Variants in PLA2R1 observed in about 807,000 individuals in gnomAD.
The protein encoded by PLA2R1 is phospholipase A2 receptor 1.
Under a neutral mutation model 195.9 loss-of-function variants are expected in PLA2R1, and 158 were observed. The observed-to-expected ratio is 0.81, with a 90% confidence interval of 0.71 to 0.92. The LOEUF (loss-of-function observed/expected upper bound fraction) is 0.92, where lower values mean the gene tolerates loss of function less well. PLA2R1 is among the 40% of genes least tolerant of loss of function. The pLI, the probability that PLA2R1 is intolerant of heterozygous loss-of-function variation, is 0.00. For missense variants in PLA2R1, 1,626 were observed against 1,764.6 expected (o/e 0.92, Z 1.41); for synonymous variants, 586 against 598.2 (o/e 0.98, Z 0.30).
At chr2:160,016,471 A>G (rs1384732774) in intron 9 of PLA2R1, 143 bp downstream of exon 9, 39 of 559,610 alleles carry the variant, frequency 7.0e-5, no homozygotes, top group East Asian at 2.9e-4. Context: ...AAAGGAAAGA[A>G]GGGGGGGGTG....
At chr2:159,960,406 T>G (rs554410326) in intron 20 of PLA2R1, among the ~76,000 whole-genome samples, 1 of 152,332 alleles carries the variant, frequency 6.6e-6, no homozygotes, top group African/African-American at 2.4e-5. Context: ...CTGTTTTTCC[T>G]CACCACTGAA....
chr2:160,057,932 T>C (rs1243386665), intron 1 of PLA2R1, among the ~76,000 whole-genome samples: 1 of 152,138 alleles, frequency 6.6e-6, no homozygotes, highest in Non-Finnish European at 1.5e-5. Flanking sequence ...CCTTAGTCAA[T>C]AAGAGGCGGG....
In PLA2R1 at chr2:160,005,644, C is replaced by T; in HGVS notation, c.1834+8G>A. ...GGGAGGGTTGGTGATGCAGCACACT[C>T]TACTCACGCGGCTGGTGTGTGTTCC... On this transcript the variant is annotated splice_region_variant and intron_variant, in intron 11 of 29. Transcript: ENST00000283243. 6.2e-7 allele frequency: 1 copy of T among 1,611,326 alleles called. No homozygotes were observed. The highest frequency in any genetic ancestry group is 2.2e-5 in the East Asian group (1 of 44,826).
Position 160,024,005 on chromosome 2 carries a change from C to T in PLA2R1, c.1100-1146G>A, listed in dbSNP as rs776222792. On this transcript the variant is annotated intron_variant, in intron 6 of 29. Transcript: ENST00000283243. ...GCAGCCTCCAACACCACCAGGGTCA[C>T]CTACAGTTCTTGCCACTGAGGACCC... Among the ~76,000 whole-genome samples the T allele has an allele frequency of 5.1e-4, 77 of 151,026 alleles. 1 individual carries two copies. Among genetic ancestry groups the T allele is most frequent in the Non-Finnish European group, 9.6e-4 (65 of 67,962 alleles).
chr2:160,052,846 T>C (rs1234117736), intron 1 of PLA2R1, among the ~76,000 whole-genome samples: 1 of 152,200 alleles, frequency 6.6e-6, no homozygotes, highest in East Asian at 1.9e-4. Context: ...CAATGAGCTA[T>C]CCATCTTAGC....
At chr2:160,001,111 C>G (rs545199225) in intron 11 of PLA2R1, among the ~76,000 whole-genome samples, 6 of 152,166 alleles carry the variant, frequency 3.9e-5, no homozygotes, top group African/African-American at 1.4e-4. Flanking sequence ...TATATGAATA[C>G]ATCTAAACAA....
At chr2:159,951,718 A>T in intron 23 of PLA2R1, 140 bp from the exon 24 acceptor site, 1 of 627,428 alleles carries the variant, frequency 1.6e-6, no homozygotes. Context: ...CAAAACAAGA[A>T]CACTATCTGA....
intron 1 of PLA2R1, among the ~76,000 whole-genome samples, chr2:160,056,470 G>C (rs1203873875): frequency 6.6e-6 from 1 of 152,116 alleles, no homozygotes; most frequent in Non-Finnish European, 1.5e-5. Context: ...CTTGGATCTG[G>C]TCACTACCAA....
chr2:160,042,821 GTGTGTGTGTGTGTGTGTGTGTA>G (rs1242656962), intron 2 of PLA2R1, among the ~76,000 whole-genome samples: 58 of 116,392 alleles, frequency 5.0e-4, no homozygotes, highest in Non-Finnish European at 1.0e-3. Context: ...GTGTGTGTGT[GTGTGTGTGTGTGTGTGTGTGTA>G]TGTGTGAGAC....
In PLA2R1 at chr2:159,987,274, A is replaced by G; in HGVS notation, c.1919T>C (p.Met640Thr). ...EVKHCRHFKA[M>T]SLCKQPVENQ... ...TTCAACTGGCTGCTTGCACAAGGAC[A>G]TTGCCTTAAAGTGCCGACAGTGCTT... The change falls in exon 12 of 30, where the codon ATG becomes ACG. Residue 640 changes from methionine to threonine, a missense_variant. Transcript: ENST00000283243. The G allele has an allele frequency of 2.5e-6, 4 of 1,613,324 alleles. No homozygotes were observed. Among genetic ancestry groups the G allele is most frequent in the East Asian group, 4.5e-5 (2 of 44,852 alleles).
At chr2:160,020,563 A>G (rs1485409165) in intron 7 of PLA2R1, among the ~76,000 whole-genome samples, 1 of 152,060 alleles carries the variant, frequency 6.6e-6, no homozygotes, top group Non-Finnish European at 1.5e-5. Context: ...TGATGAATGG[A>G]TTAATGGGCT....
chr2:160,033,105 A>T lies in PLA2R1; in HGVS notation c.695T>A (p.Ile232Asn). The T allele has an allele frequency of 6.2e-7, 1 of 1,612,752 alleles. No individual in the cohort carries two copies. ...PTSAEVGCDT[I>N]WEKDLNSHIC... is the part of the protein sequence containing the mutation. The stretch of plus-strand genomic sequence containing the variant: ...GTGTGAATTGAGGTCCTTCTCCCAA[A>T]TAGTATCACAACCTACTTCTGCAGA... The change falls in exon 4 of 30, where the codon ATT (isoleucine) becomes AAT (asparagine). Residue 232 changes from isoleucine to asparagine, a missense_variant. Transcript: ENST00000283243.
chr2:159,963,587 T>C (rs1281919741), intron 20 of PLA2R1, among the ~76,000 whole-genome samples: 1 of 152,174 alleles, frequency 6.6e-6, no homozygotes, highest in Non-Finnish European at 1.5e-5. Flanking sequence ...AGGACTTTAA[T>C]AGACATTTTT....
At chr2:159,928,517 C>T (rs567556227), downstream of PLA2R1, among the ~76,000 whole-genome samples, 9 of 152,088 alleles carry the variant, frequency 5.9e-5, no homozygotes, top group African/African-American at 9.7e-5. Flanking sequence ...ATGACACAAA[C>T]GAATGGGAAC....
downstream of PLA2R1, among the ~76,000 whole-genome samples, chr2:159,931,306 G>C (rs1438783451): frequency 6.6e-6 from 1 of 152,162 alleles, no homozygotes; most frequent in African/African-American, 2.4e-5. Flanking sequence ...GAGGAGGGAG[G>C]ACTACTTGAG....
At chr2:159,965,837 T>C (rs1056231171) in intron 20 of PLA2R1, among the ~76,000 whole-genome samples, 4 of 152,208 alleles carry the variant, frequency 2.6e-5, no homozygotes, top group Non-Finnish European at 4.4e-5. Context: ...TGGGCCGTTC[T>C]AGTAGCTGTG....
the PLA2R1 span, among the ~76,000 whole-genome samples, chr2:159,924,904 A>G: frequency 7.2e-5 from 11 of 152,284 alleles, no homozygotes; most frequent in East Asian, 2.1e-3. Flanking sequence ...ATGTCACGGT[A>G]CGTTCCATTT....
intron 21 of PLA2R1, among the ~76,000 whole-genome samples, 200 bp downstream of exon 21, chr2:159,956,310 G>A (rs887878381): frequency 6.6e-6 from 1 of 152,154 alleles, no homozygotes; most frequent in African/African-American, 2.4e-5. Context: ...AAACCCAGCA[G>A]TTTATAAGCA....
In PLA2R1 at chr2:159,942,165, A is replaced by T; in HGVS notation, c.4145-6T>A. The T allele has an allele frequency of 6.2e-7, 1 of 1,605,146 alleles. No individual in the cohort carries two copies. The highest frequency in any genetic ancestry group is 1.3e-5 in the African/African-American group (1 of 74,740). Reference sequence around the variant, plus strand: ...CGCCTCTGCAGTGTGAATATCTAAAATCAAATACAAAAATTAAAATGAGGT... The same window carrying T: ...CGCCTCTGCAGTGTGAATATCTAAATTCAAATACAAAAATTAAAATGAGGT... On this transcript the variant is annotated splice_polypyrimidine_tract_variant and splice_region_variant and intron_variant, in intron 28 of 29. Coordinates refer to ENST00000283243, the MANE Select transcript of PLA2R1 (RefSeq NM_007366.5).
Sources: allele counts gnomAD v4.1 joint callset (sites outside exome capture counted in the v4.1 genomes callset), GRCh38; gene constraint gnomAD v4.1.1; transcripts MANE v1.5; gene names NCBI Gene and HGNC (gene_info 2026-07-23, HGNC 2026-07-21).